PIK3C2G: variants seen among roughly 807,000 people sequenced by gnomAD.
PIK3C2G encodes the protein phosphatidylinositol-4-phosphate 3-kinase catalytic subunit type 2 gamma.
In PIK3C2G, 168 loss-of-function variants were observed where a neutral mutation model predicts 181.1. The observed-to-expected ratio is 0.93, with a 90% CI of 0.82 to 1.05. The LOEUF (loss-of-function observed/expected upper bound fraction) is 1.05. PIK3C2G is among the 50% of genes least tolerant of loss of function. PIK3C2G has a pLI of 0.00. For synonymous variants in PIK3C2G, 573 were observed against 592.2 expected, an observed-to-expected ratio of 0.97 and a Z score of 0.47; for missense variants, 1,869 against 1,732.8, an observed-to-expected ratio of 1.08 and a Z score of -1.40.
chr12:18,275,860 AC>A (rs1223171720), intron 1 of PIK3C2G, among the ~76,000 whole-genome samples: 1 of 152,118 alleles, frequency 6.6e-6, no homozygotes, highest in Non-Finnish European at 1.5e-5. Context: ...TTGAAATCTT[AC>A]CCACTCACTT....
intron 31 of PIK3C2G, among the ~76,000 whole-genome samples, chr12:18,625,321 T>C (rs1949048841): frequency 6.6e-6 from 1 of 151,750 alleles, no homozygotes; most frequent in South Asian, 2.1e-4. Context: ...TATTTATGTG[T>C]TAATTTTCTA....
intron 20 of PIK3C2G, chr12:18,493,282 T>G (rs1239620013): frequency 6.6e-6 from 1 of 152,194 alleles, no homozygotes; most frequent in Non-Finnish European, 1.5e-5. Flanking sequence ...ATGGAAGCAG[T>G]TTGGAGAAAC....
At chr12:18,300,154 C>T (rs1950113804) in intron 5 of PIK3C2G, among the ~76,000 whole-genome samples, 1 of 151,920 alleles carries the variant, frequency 6.6e-6, no homozygotes, top group African/African-American at 2.4e-5. Flanking sequence ...ATAAAGCCAT[C>T]TCATCCTGAG....
At chr12:18,315,647 T>C (rs1950827363) in intron 6 of PIK3C2G, among the ~76,000 whole-genome samples, 1 of 152,162 alleles carries the variant, frequency 6.6e-6, no homozygotes, top group Non-Finnish European at 1.5e-5. Context: ...AATAATTCTA[T>C]AAGGTAAACA....
intron 11 of PIK3C2G, among the ~76,000 whole-genome samples, chr12:18,356,365 C>T (rs982952548): frequency 9.2e-5 from 14 of 152,230 alleles, no homozygotes; most frequent in African/African-American, 3.1e-4. Flanking sequence ...AGGGGGAACA[C>T]GCCGGTGACT....
chr12:18,512,804 A>C lies in PIK3C2G; in HGVS notation c.3323+7343A>C, dbSNP rs958881080. 2.6e-5 allele frequency among the ~76,000 whole-genome samples: 4 copies of C among 151,916 alleles called. No individual in the cohort carries two copies. The East Asian group carries it at 7.7e-4, about 29-fold the overall frequency. ...TTCAATTTTCTTTTTGTCTTGCCTA[A>C]CTGCTCTGGCAACTTCCAGTACTAT... On this transcript the variant is annotated intron_variant, in intron 24 of 32. Transcript: ENST00000538779.
At chr12:18,597,015 A>C (rs1277383076) in intron 30 of PIK3C2G, among the ~76,000 whole-genome samples, 2 of 152,134 alleles carry the variant, frequency 1.3e-5, no homozygotes, top group African/African-American at 2.4e-5. Context: ...AATTAGAAAA[A>C]TATTTTGGAC....
At position 18,496,162 on chromosome 12, in the gene PIK3C2G, A is replaced by C; in HGVS notation, c.2886+8A>C. 6.8e-7 allele frequency: 1 copy of C among 1,459,898 alleles called. No homozygotes were observed. Among genetic ancestry groups the C allele is most frequent in the Non-Finnish European group, 9.3e-7 (1 of 1,074,624 alleles). 90.4% of individuals were successfully genotyped at this position (1,459,898 alleles called of 1,614,324 possible). On this transcript the variant is annotated splice_region_variant and intron_variant, in intron 21 of 32. Coordinates refer to ENST00000538779, the MANE Select transcript of PIK3C2G (RefSeq NM_001288772.2). Reference sequence around the variant, plus strand: ...ATCAGCATTATTTTTAAGGTATGGTAGCGCTCTTAAAACATGAATTGATTC... The same window carrying C: ...ATCAGCATTATTTTTAAGGTATGGTCGCGCTCTTAAAACATGAATTGATTC...
intron 31 of PIK3C2G, 105 bp from the exon 32 acceptor site, chr12:18,640,324 T>C: frequency 1.2e-6 from 1 of 867,742 alleles, no homozygotes; most frequent in Non-Finnish European, 1.7e-6. Context: ...ACAAAGTGAC[T>C]GTAATAAATC....
intron 14 of PIK3C2G, among the ~76,000 whole-genome samples, chr12:18,387,597 G>A (rs774950847): frequency 2.0e-5 from 3 of 151,834 alleles, no homozygotes; most frequent in Non-Finnish European, 4.4e-5. Flanking sequence ...TCCACCCACG[G>A]ACCCTCTAGA....
At chr12:18,374,463 C>T (rs1334214293) in intron 13 of PIK3C2G, among the ~76,000 whole-genome samples, 3 of 152,136 alleles carry the variant, frequency 2.0e-5, no homozygotes, top group African/African-American at 4.8e-5. Flanking sequence ...AGTCCAAATA[C>T]GTCATTTATA....
intron 18 of PIK3C2G, among the ~76,000 whole-genome samples, chr12:18,453,383 T>C (rs1228013777): frequency 6.6e-6 from 1 of 152,182 alleles, no homozygotes; most frequent in Non-Finnish European, 1.5e-5. Context: ...ACTCCTGCTT[T>C]TTTTTGCTTT....
the PIK3C2G span, among the ~76,000 whole-genome samples, chr12:18,706,747 A>T: frequency 2.6e-5 from 4 of 152,226 alleles, no homozygotes; most frequent in Non-Finnish European, 5.9e-5. Flanking sequence ...CAGCACTCAG[A>T]ACAGGGTCGA....
At chr12:18,349,087 A>C (rs1939967438) in intron 11 of PIK3C2G, among the ~76,000 whole-genome samples, 1 of 152,180 alleles carries the variant, frequency 6.6e-6, no homozygotes, top group African/African-American at 2.4e-5. Flanking sequence ...AAGGAATGAG[A>C]GAGAGTCCAT....
chr12:18,282,072 A>G lies in PIK3C2G; in HGVS notation c.-10A>G, dbSNP rs557972698. ...GCAGAGTCAACCCTCTCAGTTACAT[A>G]AAATAAAAAATGGCATATTCTTGGC... On this transcript the variant is annotated 5_prime_UTR_variant, in exon 2 of 33. It adds an upstream start codon to the 5' untranslated region. Coordinates refer to ENST00000538779, the MANE Select transcript of PIK3C2G (RefSeq NM_001288772.2). The G allele has an allele frequency of 3.6e-5, 55 of 1,545,422 alleles. No individual in the cohort carries two copies. The highest frequency in any genetic ancestry group is 4.6e-5 in the Non-Finnish European group (52 of 1,133,764).
chr12:18,627,333 G>A (rs574618621), intron 31 of PIK3C2G, among the ~76,000 whole-genome samples: 28 of 151,964 alleles, frequency 1.8e-4, no homozygotes, highest in African/African-American at 1.9e-4. Context: ...ATTATTTTAC[G>A]GAGTTATTCT....
chr12:18,447,706 G>A (rs1170063926), intron 18 of PIK3C2G, among the ~76,000 whole-genome samples: 5 of 151,942 alleles, frequency 3.3e-5, no homozygotes, highest in East Asian at 3.9e-4. Flanking sequence ...ATCTTTTATC[G>A]TGTACTTTTA....
At chr12:18,603,105 A>G (rs1185051485) in intron 30 of PIK3C2G, among the ~76,000 whole-genome samples, 1 of 152,234 alleles carries the variant, frequency 6.6e-6, no homozygotes, top group Non-Finnish European at 1.5e-5. Context: ...GCAAAGGCCA[A>G]TGCAAGAAAA....
intron 24 of PIK3C2G, among the ~76,000 whole-genome samples, chr12:18,537,413 G>GT (rs1943917560): frequency 6.6e-6 from 1 of 151,904 alleles, no homozygotes; most frequent in South Asian, 2.1e-4. Flanking sequence ...GCTATTCTCT[G>GT]TTAGAATTGC....
Sources: gnomAD v4.1 joint callset for allele counts (sites outside exome capture counted in the v4.1 genomes callset) on GRCh38, gnomAD v4.1.1 for gene constraint, MANE v1.5 for transcripts, NCBI Gene and HGNC (gene_info 2026-07-23, HGNC 2026-07-21) for gene names.